Variants in EPB41L4B observed in about 807,000 individuals in gnomAD.
EPB41L4B encodes erythrocyte membrane protein band 4.1 like 4B.
In EPB41L4B, 30 loss-of-function variants were observed where a neutral mutation model predicts 112.5. That is an observed-to-expected ratio of 0.27 (90% CI 0.20 to 0.36). The LOEUF is 0.36. Among genes scored for constraint, EPB41L4B ranks in the 10% least tolerant of loss-of-function variants. The pLI, the probability that EPB41L4B is intolerant of heterozygous loss-of-function variation, is 1.00. For missense variants in EPB41L4B, 1,024 were observed against 1,133.3 expected, an observed-to-expected ratio of 0.90 and a Z score of 1.38; for synonymous variants, 408 against 439.7, an observed-to-expected ratio of 0.93 and a Z score of 0.90.
At chr9:109,309,302 T>C (rs1473219685) in intron 1 of EPB41L4B, among the ~76,000 whole-genome samples, 1 of 152,180 alleles carries the variant, frequency 6.6e-6, no homozygotes, top group African/African-American at 2.4e-5. Flanking sequence ...GATCCCGTAG[T>C]TGCTCTCACA....
At chr9:109,306,035 T>C (rs1157890474) in intron 1 of EPB41L4B, among the ~76,000 whole-genome samples, 7 of 152,080 alleles carry the variant, frequency 4.6e-5, no homozygotes, top group African/African-American at 1.7e-4. Flanking sequence ...GTGACAGCCG[T>C]GAAGAAAAAC....
At chr9:109,192,669 T>C (rs1261793340) in intron 21 of EPB41L4B, among the ~76,000 whole-genome samples, 1 of 152,050 alleles carries the variant, frequency 6.6e-6, no homozygotes, top group Non-Finnish European at 1.5e-5. Context: ...TCTGAATGTA[T>C]AAAGAGAGAG....
chr9:109,267,454 G>C lies in EPB41L4B; in HGVS notation c.533+19C>G. On this transcript the variant is annotated intron_variant, in intron 4 of 25. Transcript: ENST00000374566. ...GGCAAGCCCTGCTGGGCGGGAGCTT[G>C]TTCTGCATCGTGGCCTACCTTGTAA... The C allele has an allele frequency of 6.3e-7, 1 of 1,577,838 alleles. No individual in the cohort carries two copies. The highest frequency in any genetic ancestry group is 1.1e-5 in the South Asian group (1 of 89,822).
intron 18 of EPB41L4B, among the ~76,000 whole-genome samples, chr9:109,205,189 G>A (rs1832954754): frequency 6.6e-6 from 1 of 152,228 alleles, no homozygotes; most frequent in South Asian, 2.1e-4. Flanking sequence ...GGAGAATCCT[G>A]TGGGGCTTGT....
At chr9:109,234,387 T>A (rs73527098) in intron 15 of EPB41L4B, among the ~76,000 whole-genome samples, 1,783 of 152,344 alleles carry the variant, frequency 0.012, 28 homozygotes, top group African/African-American at 0.04. Flanking sequence ...GCAGCTTAAA[T>A]GTCCATCAAT....
chr9:109,254,568 C>T (rs1564296875), intron 11 of EPB41L4B, among the ~76,000 whole-genome samples: 1 of 152,132 alleles, frequency 6.6e-6, no homozygotes, highest in Non-Finnish European at 1.5e-5. Context: ...GATATCGTAA[C>T]TGAGATTCTC....
At chr9:109,279,309 T>C (rs753646765) in intron 2 of EPB41L4B, among the ~76,000 whole-genome samples, 10 of 151,886 alleles carry the variant, frequency 6.6e-5, no homozygotes, top group Non-Finnish European at 1.5e-4. Flanking sequence ...CTTGACCATC[T>C]GGGTTCAATC....
chr9:109,201,970 G>A (rs1588132429), intron 19 of EPB41L4B, among the ~76,000 whole-genome samples: 2 of 152,190 alleles, frequency 1.3e-5, no homozygotes, highest in East Asian at 3.8e-4. Context: ...CATCTTAGAG[G>A]ACTGTGGGCA....
At chr9:109,274,737 T>G (rs952782170) in intron 2 of EPB41L4B, among the ~76,000 whole-genome samples, 3 of 152,230 alleles carry the variant, frequency 2.0e-5, no homozygotes, top group African/African-American at 7.2e-5. Flanking sequence ...GAGACCAAGT[T>G]CTGAATCCTG....
chr9:109,266,968 CAAAAAAA>C (rs3061574), intron 4 of EPB41L4B, among the ~76,000 whole-genome samples: 34 of 91,748 alleles, frequency 3.7e-4, no homozygotes, highest in Admixed American at 1.9e-3. Flanking sequence ...GATTTTGTTT[CAAAAAAA>C]AAAAAAAAAA....
At chr9:109,184,513 C>CTCAGCCTT (rs1832184576) in intron 23 of EPB41L4B, among the ~76,000 whole-genome samples, 1 of 152,202 alleles carries the variant, frequency 6.6e-6, no homozygotes, top group South Asian at 2.1e-4. Context: ...GCCACTGTGC[C>CTCAGCCTT]CTGCCAGAAA....
intron 1 of EPB41L4B, among the ~76,000 whole-genome samples, chr9:109,297,554 T>C (rs10979812): frequency 0.21 from 31,882 of 152,100 alleles, 3,750 homozygotes; most frequent in Admixed American, 0.26. Flanking sequence ...TGCAGATGCG[T>C]CATGTGGCAC....
intron 15 of EPB41L4B, among the ~76,000 whole-genome samples, chr9:109,225,998 T>C (rs1038835871): frequency 3.3e-5 from 5 of 152,162 alleles, no homozygotes; most frequent in Non-Finnish European, 5.9e-5. Flanking sequence ...TGAAGTAAAG[T>C]CCTAACTTTT....
In EPB41L4B at chr9:109,174,552, T is replaced by A; in HGVS notation, c.*2A>T. ...CATCTTCCAGGTGACAAGGGGAGAATTTCACAGTTCGGTCATCAACAGTCT... is the reference window on the plus strand; with the variant it reads ...CATCTTCCAGGTGACAAGGGGAGAAATTCACAGTTCGGTCATCAACAGTCT... On this transcript the variant is annotated 3_prime_UTR_variant, in exon 26 of 26. Coordinates refer to ENST00000374566, the MANE Select transcript of EPB41L4B (RefSeq NM_019114.5). 1 of 1,613,850 alleles carries A rather than the reference T, an allele frequency of 6.2e-7. No homozygotes were observed. Among genetic ancestry groups the A allele is most frequent in the Non-Finnish European group, 8.5e-7 (1 of 1,179,806 alleles).
intron 1 of EPB41L4B, among the ~76,000 whole-genome samples, chr9:109,313,753 A>G (rs1470753076): frequency 6.6e-6 from 1 of 152,194 alleles, no homozygotes; most frequent in Non-Finnish European, 1.5e-5. Flanking sequence ...AAATGTAGAG[A>G]GGAGAGCCGA....
intron 3 of EPB41L4B, 63 bp from the exon 4 acceptor site, chr9:109,267,614 G>T (rs1588189569): frequency 1.9e-6 from 2 of 1,077,548 alleles, no homozygotes; most frequent in Non-Finnish European, 1.4e-6. Flanking sequence ...TCACAGGATG[G>T]ACAAAAGGGA....
chr9:109,185,046 G>A (rs192169083), intron 23 of EPB41L4B, among the ~76,000 whole-genome samples: 1 of 152,300 alleles, frequency 6.6e-6, no homozygotes, highest in Admixed American at 6.5e-5. Context: ...AAAAAATCAT[G>A]CTAAATTGGG....
intron 15 of EPB41L4B, among the ~76,000 whole-genome samples, chr9:109,236,446 C>T (rs976122460): frequency 1.3e-5 from 2 of 151,628 alleles, no homozygotes; most frequent in Admixed American, 6.6e-5. Context: ...TTGACCTCTA[C>T]TGAGAGTTAA....
intron 2 of EPB41L4B, among the ~76,000 whole-genome samples, chr9:109,273,731 C>A (rs1481140754): frequency 6.6e-6 from 1 of 152,156 alleles, no homozygotes; most frequent in Admixed American, 6.5e-5. Flanking sequence ...GTGAACAGAA[C>A]TAACCCCTAA....
Sources: gnomAD v4.1 joint callset for allele counts (sites outside exome capture counted in the v4.1 genomes callset) on GRCh38, gnomAD v4.1.1 for gene constraint, MANE v1.5 for transcripts, NCBI Gene and HGNC (gene_info 2026-07-23, HGNC 2026-07-21) for gene names.